Variants in FBXL17 observed in about 807,000 individuals in gnomAD.
FBXL17 encodes F-box/LRR-repeat protein 17.
A neutral mutation model predicts 66.2 loss-of-function variants in FBXL17; 22 were observed. The observed-to-expected ratio is 0.33, with a 90% CI of 0.24 to 0.47. The LOEUF is 0.47. FBXL17 is among the 20% of genes least tolerant of loss of function. FBXL17 has a pLI of 1.00. For synonymous variants in FBXL17, 474 were observed against 400.5 expected, an observed-to-expected ratio of 1.18 and a Z score of -2.19; for missense variants, 878 against 948.2, an observed-to-expected ratio of 0.93 and a Z score of 0.97.
intron 7 of FBXL17, among the ~76,000 whole-genome samples, chr5:107,937,584 A>C (rs1026381222): frequency 6.6e-6 from 1 of 152,164 alleles, no homozygotes; most frequent in South Asian, 2.1e-4. Context: ...TTGTCTCTCC[A>C]TTCTAATCAT....
chr5:107,972,187 G>C (rs141422582), intron 7 of FBXL17, among the ~76,000 whole-genome samples: 3,147 of 152,174 alleles, frequency 0.021, 50 homozygotes, highest in Middle Eastern at 0.037. Context: ...CTGAATAAAT[G>C]AAAGAAAAGA....
intron 6 of FBXL17, among the ~76,000 whole-genome samples, chr5:108,140,659 A>T (rs892573878): frequency 6.6e-6 from 1 of 152,100 alleles, no homozygotes; most frequent in African/African-American, 2.4e-5. Context: ...TGTAACAGTC[A>T]CCTATAGATT....
chr5:108,240,833 TC>T (rs925445860), intron 4 of FBXL17, among the ~76,000 whole-genome samples: 4 of 151,994 alleles, frequency 2.6e-5, no homozygotes, highest in African/African-American at 9.7e-5. Flanking sequence ...GTGTCACCCC[TC>T]CCCCAGCTCC....
At chr5:108,219,039 A>C (rs1346743544) in intron 5 of FBXL17, among the ~76,000 whole-genome samples, 1 of 152,218 alleles carries the variant, frequency 6.6e-6, no homozygotes, top group Admixed American at 6.5e-5. Flanking sequence ...ACTGTTAGAC[A>C]TGATTTTCCA....
rs985892964 is a variant in FBXL17 at position 108,029,041 on chromosome 5, G to C, written c.1746-8040C>G. Reference sequence around the variant, plus strand: ...AACATCTTCATTCCAAATGTTTCCCGTATGCTTTAAACATTCATAACCAGG... The same window carrying C: ...AACATCTTCATTCCAAATGTTTCCCCTATGCTTTAAACATTCATAACCAGG... On this transcript the variant is annotated intron_variant, in intron 6 of 8. Transcript: ENST00000542267. Among the ~76,000 whole-genome samples, 69 of 151,966 alleles carry C rather than the reference G, an allele frequency of 4.5e-4. 1 individual carries two copies. Among genetic ancestry groups the C allele is most frequent in the Non-Finnish European group, 1.0e-4 (7 of 67,984 alleles).
Position 108,095,805 on chromosome 5 carries a change from T to C in FBXL17, c.1746-74804A>G, listed in dbSNP as rs139090655. 1.1e-3 allele frequency among the ~76,000 whole-genome samples: 175 copies of C among 152,258 alleles called. 2 individuals carry two copies. The highest frequency in any genetic ancestry group is 3.9e-3 in the African/African-American group (163 of 41,564). On this transcript the variant is annotated intron_variant, in intron 6 of 8. Coordinates refer to ENST00000542267, the MANE Select transcript of FBXL17 (RefSeq NM_001163315.3). ...AACAAAATGACACAAATTCGATTGT[T>C]TGAAAAGAACTAGGAAATTTTATGA... is the stretch of plus-strand genomic sequence containing the variant.
intron 7 of FBXL17, among the ~76,000 whole-genome samples, chr5:107,929,835 G>A (rs547510667): frequency 5.3e-5 from 8 of 151,870 alleles, no homozygotes; most frequent in South Asian, 2.1e-4. Flanking sequence ...AGTCTAGGAC[G>A]GGAGAAGAGA....
intron 4 of FBXL17, among the ~76,000 whole-genome samples, chr5:108,228,803 T>C (rs1335510676): frequency 6.6e-6 from 1 of 152,168 alleles, no homozygotes; most frequent in African/African-American, 2.4e-5. Context: ...ATCTAAACTA[T>C]GGGATGGCTG....
At chr5:108,001,484 A>G (rs1049254110) in intron 7 of FBXL17, among the ~76,000 whole-genome samples, 1 of 152,134 alleles carries the variant, frequency 6.6e-6, no homozygotes, top group Non-Finnish European at 1.5e-5. Context: ...TGCAGAAGGA[A>G]AATTAGTTTT....
chr5:107,884,114 CT>C (rs1234038565), intron 7 of FBXL17, among the ~76,000 whole-genome samples: 2 of 152,084 alleles, frequency 1.3e-5, no homozygotes, highest in Non-Finnish European at 2.9e-5. Flanking sequence ...AAGCAGAGTC[CT>C]TGATGTTACG....
chr5:108,133,897 G>T (rs1044287847), intron 6 of FBXL17, among the ~76,000 whole-genome samples: 1 of 152,088 alleles, frequency 6.6e-6, no homozygotes, highest in African/African-American at 2.4e-5. Context: ...TACACAGTAG[G>T]TATTCAGTAA....
At chr5:107,968,319 G>C (rs1752231935) in intron 7 of FBXL17, among the ~76,000 whole-genome samples, 3 of 152,080 alleles carry the variant, frequency 2.0e-5, no homozygotes, top group Admixed American at 6.6e-5. Context: ...TGTGTGTGCA[G>C]ATTAAAGAGT....
chr5:108,366,018 T>C (rs578010001), intron 2 of FBXL17, among the ~76,000 whole-genome samples: 8 of 152,264 alleles, frequency 5.3e-5, no homozygotes, highest in Non-Finnish European at 8.8e-5. Context: ...ACATCAGTAA[T>C]AATGTTATAT....
At chr5:108,176,332 G>T (rs1752793728) in intron 6 of FBXL17, among the ~76,000 whole-genome samples, 1 of 151,954 alleles carries the variant, frequency 6.6e-6, no homozygotes, top group Non-Finnish European at 1.5e-5. Context: ...TCTTTTTATG[G>T]CCTGAAAAAC....
intron 6 of FBXL17, among the ~76,000 whole-genome samples, chr5:108,057,683 T>C (rs1747762077): frequency 6.6e-6 from 1 of 152,194 alleles, no homozygotes; most frequent in African/African-American, 2.4e-5. Flanking sequence ...CCATGTAAGA[T>C]GGAAAACAAG....
At chr5:107,925,670 G>A (rs1750502595) in intron 7 of FBXL17, among the ~76,000 whole-genome samples, 1 of 152,168 alleles carries the variant, frequency 6.6e-6, no homozygotes, top group South Asian at 2.1e-4. Context: ...AAACCCCCAA[G>A]CGGGAATGAG....
chr5:108,369,565 A>T (rs1266922769), intron 1 of FBXL17, among the ~76,000 whole-genome samples: 2 of 152,076 alleles, frequency 1.3e-5, no homozygotes, highest in Non-Finnish European at 2.9e-5. Context: ...TTTTTCTATA[A>T]ATCTGAATGT....
At chr5:107,875,558 CT>C (rs1748594846) in intron 8 of FBXL17, among the ~76,000 whole-genome samples, 4 of 152,172 alleles carry the variant, frequency 2.6e-5, no homozygotes, top group Admixed American at 2.6e-4. Context: ...GTAAAGCAGA[CT>C]CCTGGCTCGA....
intron 6 of FBXL17, among the ~76,000 whole-genome samples, chr5:108,037,315 G>C (rs961904892): frequency 1.3e-4 from 20 of 152,070 alleles, no homozygotes; most frequent in Non-Finnish European, 1.5e-5. Flanking sequence ...CCTAAGGGAG[G>C]TAAATTTACT....
Sources: allele counts gnomAD v4.1 joint callset (sites outside exome capture counted in the v4.1 genomes callset), GRCh38; gene constraint gnomAD v4.1.1; transcripts MANE v1.5; gene names NCBI Gene and HGNC (gene_info 2026-07-23, HGNC 2026-07-21).